Variants in SPMIP11 observed in about 807,000 individuals in gnomAD.
The protein encoded by SPMIP11 is long intergenic non-protein coding RNA 935.
chr12:48,743,225 T>G, the SPMIP11 span, among the ~76,000 whole-genome samples: 17 of 147,532 alleles, frequency 1.2e-4, no homozygotes, highest in South Asian at 3.6e-3. Flanking sequence ...AAACCCCATC[T>G]CTACTAAAAA....
At chr12:48,761,866 G>A in the SPMIP11 span, among the ~76,000 whole-genome samples, 1 of 149,184 alleles carries the variant, frequency 6.7e-6, no homozygotes, top group Non-Finnish European at 1.5e-5. Context: ...GAGACTACAG[G>A]CATGTGCCAC....
the SPMIP11 span, chr12:48,768,143 C>T: frequency 3.3e-5 from 8 of 243,610 alleles, no homozygotes; most frequent in Admixed American, 5.1e-5. Context: ...AATAGGCACT[C>T]CTCATGCCTG....
chr12:48,769,020 G>C, the SPMIP11 span: 1 of 1,613,624 alleles, frequency 6.2e-7, no homozygotes, highest in South Asian at 1.1e-5. Context: ...TGTGGCTTCC[G>C]AGCCCCGATG....
chr12:48,749,019 T>C, the SPMIP11 span, among the ~76,000 whole-genome samples: 2 of 152,314 alleles, frequency 1.3e-5, no homozygotes, highest in Non-Finnish European at 2.9e-5. Context: ...CCCAGCACTT[T>C]GGGAGGCCAA....
the SPMIP11 span, among the ~76,000 whole-genome samples, chr12:48,749,752 C>T: frequency 6.2e-5 from 9 of 144,628 alleles, no homozygotes; most frequent in South Asian, 2.3e-4. Flanking sequence ...AGTGCAGTGG[C>T]CCAACCTCAG....
the SPMIP11 span, chr12:48,768,915 C>T: frequency 1.3e-6 from 2 of 1,596,104 alleles, no homozygotes; most frequent in African/African-American, 2.7e-5. Context: ...TTCCTCCCAG[C>T]CCCTGCTCAT....
chr12:48,747,020 T>TA, the SPMIP11 span, among the ~76,000 whole-genome samples: 1 of 152,184 alleles, frequency 6.6e-6, no homozygotes, highest in Non-Finnish European at 1.5e-5. Context: ...CTTCAGATGG[T>TA]ACAGTTTTCT....
chr12:48,738,740 C>CA, the SPMIP11 span, among the ~76,000 whole-genome samples: 2 of 151,974 alleles, frequency 1.3e-5, no homozygotes, highest in Admixed American at 6.6e-5. Context: ...AGAAGGGAGA[C>CA]AAAATGCATT....
the SPMIP11 span, among the ~76,000 whole-genome samples, chr12:48,751,431 C>T: frequency 6.6e-6 from 1 of 151,322 alleles, no homozygotes; most frequent in African/African-American, 2.4e-5. Context: ...CTGGGCAATA[C>T]AGTGGGACCC....
At chr12:48,736,064 T>A in the SPMIP11 span, 1 of 450,382 alleles carries the variant, frequency 2.2e-6, no homozygotes, top group Non-Finnish European at 4.5e-6. Context: ...CTGTAACTTT[T>A]CCTTTCATTT....
chr12:48,768,619 T>C, the SPMIP11 span: 5 of 1,614,016 alleles, frequency 3.1e-6, no homozygotes, highest in Non-Finnish European at 2.5e-6. Context: ...ATTGAGGAAG[T>C]AGGTGGTCAT....
chr12:48,729,159 T>G, the SPMIP11 span, among the ~76,000 whole-genome samples: 1 of 152,156 alleles, frequency 6.6e-6, no homozygotes, highest in African/African-American at 2.4e-5. Flanking sequence ...CCCAGCACTT[T>G]GAGAGACTGA....
At chr12:48,771,448 G>A in the SPMIP11 span, 1 of 594,484 alleles carries the variant, frequency 1.7e-6, no homozygotes, top group Non-Finnish European at 3.0e-6. The surrounding 1 kb of genome is among the most constrained non-coding windows in gnomAD (Gnocchi z 4.3). Flanking sequence ...ACATCCACCT[G>A]GTACCTATCC....
the SPMIP11 span, among the ~76,000 whole-genome samples, chr12:48,759,721 G>T: frequency 6.6e-6 from 1 of 150,546 alleles, no homozygotes; most frequent in East Asian, 1.9e-4. Flanking sequence ...TTATCAGGCA[G>T]GAAGAAAAAA....
the SPMIP11 span, among the ~76,000 whole-genome samples, chr12:48,735,288 C>T: frequency 6.6e-6 from 1 of 152,160 alleles, no homozygotes; most frequent in African/African-American, 2.4e-5. Flanking sequence ...GCCTTCCGAC[C>T]TACAGAACTG....
At chr12:48,739,554 T>C in the SPMIP11 span, among the ~76,000 whole-genome samples, 1 of 152,202 alleles carries the variant, frequency 6.6e-6, no homozygotes, top group Non-Finnish European at 1.5e-5. Context: ...CCCATGGTTC[T>C]ACAGGCTGTA....
chr12:48,757,421 G>A, the SPMIP11 span, among the ~76,000 whole-genome samples: 3 of 151,984 alleles, frequency 2.0e-5, no homozygotes, highest in East Asian at 5.8e-4. Flanking sequence ...GCGGAGGCAG[G>A]TGGATCATGA....
the SPMIP11 span, chr12:48,768,914 GC>G: frequency 1.3e-6 from 2 of 1,594,248 alleles, no homozygotes; most frequent in Non-Finnish European, 1.7e-6. Flanking sequence ...GTTCCTCCCA[GC>G]CCCTGCTCAT....
the SPMIP11 span, among the ~76,000 whole-genome samples, chr12:48,757,311 T>C: frequency 1.3e-5 from 2 of 152,110 alleles, no homozygotes; most frequent in African/African-American, 2.4e-5. Flanking sequence ...GAGTCTGAGA[T>C]GCAAGCCAAA....
Sources: allele counts gnomAD v4.1 joint callset (sites outside exome capture counted in the v4.1 genomes callset), GRCh38; gene constraint gnomAD v4.1.1; non-coding constraint Gnocchi (gnomAD v3.1); transcripts MANE v1.5; gene names NCBI Gene and HGNC (gene_info 2026-07-23, HGNC 2026-07-21).